NECAB1: variants seen among roughly 807,000 people sequenced by gnomAD.
The protein encoded by NECAB1 is N-terminal EF-hand calcium-binding protein 1.
NECAB1 carries 29 observed loss-of-function variants against 57.5 expected under a neutral mutation model. The ratio of observed to expected loss-of-function variants is 0.50; its 90% CI spans 0.38 to 0.69. The LOEUF is 0.69. NECAB1 is among the 30% of genes least tolerant of loss of function. The probability of loss-of-function intolerance (pLI) is 0.00; values close to 1 mark genes in which losing one functional copy is unlikely to be tolerated. For missense variants in NECAB1, 372 were observed against 413.8 expected, an observed-to-expected ratio of 0.90 and a Z score of 0.88; for synonymous variants, 142 against 147.7, an observed-to-expected ratio of 0.96 and a Z score of 0.28.
At chr8:90,931,953 C>T (rs528184164) in intron 8 of NECAB1, among the ~76,000 whole-genome samples, 1 of 151,248 alleles carries the variant, frequency 6.6e-6, no homozygotes, top group African/African-American at 2.4e-5. Flanking sequence ...CAAAAAAAAA[C>T]CCCACCTTTA....
chr8:90,849,331 C>T (rs754797431), intron 3 of NECAB1, among the ~76,000 whole-genome samples: 4 of 151,834 alleles, frequency 2.6e-5, no homozygotes, highest in Non-Finnish European at 5.9e-5. Flanking sequence ...TAGGTGAGTG[C>T]GGCAATGGGT....
intron 6 of NECAB1, among the ~76,000 whole-genome samples, chr8:90,923,672 G>A (rs1413856477): frequency 1.3e-5 from 2 of 152,180 alleles, no homozygotes; most frequent in Admixed American, 6.5e-5. Flanking sequence ...TCAAAAGAAA[G>A]TTTTCAATAC....
intron 2 of NECAB1, chr8:90,806,386 A>G (rs913999279): frequency 2.0e-5 from 3 of 152,262 alleles, no homozygotes; most frequent in Non-Finnish European, 4.4e-5. Context: ...ATTCATTAAT[A>G]TTTGTGAATT....
At chr8:90,909,911 C>T (rs1378661911) in intron 5 of NECAB1, among the ~76,000 whole-genome samples, 2 of 152,008 alleles carry the variant, frequency 1.3e-5, no homozygotes, top group Non-Finnish European at 2.9e-5. Context: ...TTCTATCCTT[C>T]CTTAGAAATT....
intron 1 of NECAB1, among the ~76,000 whole-genome samples, chr8:90,799,665 A>G (rs1811728292): frequency 6.6e-6 from 1 of 151,982 alleles, no homozygotes; most frequent in African/African-American, 2.4e-5. Context: ...TCATTTTTGT[A>G]TCTGTTTTTT....
intron 5 of NECAB1, among the ~76,000 whole-genome samples, chr8:90,893,983 T>C (rs933710582): frequency 2.0e-5 from 3 of 152,166 alleles, no homozygotes; most frequent in Non-Finnish European, 4.4e-5. Flanking sequence ...CTCTGACATT[T>C]TGAGAGCTGT....
At chr8:90,930,019 C>G (rs1362575547) in intron 8 of NECAB1, among the ~76,000 whole-genome samples, 1 of 152,124 alleles carries the variant, frequency 6.6e-6, no homozygotes, top group Non-Finnish European at 1.5e-5. Flanking sequence ...TTTTTAACAG[C>G]TAAGTGACAA....
intron 3 of NECAB1, among the ~76,000 whole-genome samples, chr8:90,839,535 A>G (rs769638497): frequency 6.6e-6 from 1 of 152,240 alleles, no homozygotes; most frequent in Non-Finnish European, 1.5e-5. Flanking sequence ...TTTGAGAGGA[A>G]CAGGGTGTGC....
At chr8:90,947,307 CA>C (rs1810830402) in intron 10 of NECAB1, among the ~76,000 whole-genome samples, 2 of 116,628 alleles carry the variant, frequency 1.7e-5, no homozygotes, top group Admixed American at 1.7e-4. Flanking sequence ...AACACATACA[CA>C]CACACACACA....
chr8:90,950,723 C>T (rs1427242098), intron 11 of NECAB1, among the ~76,000 whole-genome samples: 3 of 152,090 alleles, frequency 2.0e-5, no homozygotes, highest in Admixed American at 1.3e-4. Flanking sequence ...GTAACTTATT[C>T]GACTCTGCTT....
At chr8:90,837,531 C>G (rs138433860) in intron 3 of NECAB1, among the ~76,000 whole-genome samples, 1 of 152,066 alleles carries the variant, frequency 6.6e-6, no homozygotes, top group African/African-American at 2.4e-5. Flanking sequence ...ATTTTTGGAC[C>G]ACAGTTGACT....
Position 90,865,169 on chromosome 8 carries a change from A to G in NECAB1, c.234-6959A>G, listed in dbSNP as rs543473004. Among the ~76,000 whole-genome samples, 15 of 152,332 alleles carry G rather than the reference A, an allele frequency of 9.8e-5. No individual in the cohort carries two copies. The South Asian group carries it at 2.5e-3, about 25-fold the overall frequency. On this transcript the variant is annotated intron_variant, in intron 3 of 12. Coordinates refer to ENST00000417640, the MANE Select transcript of NECAB1 (RefSeq NM_022351.5). ...AGAAGACATAAGAAAAAATTCAATC[A>G]GGAAAATGAAAAGGGAAGAAGTGCT...
At chr8:90,805,442 G>A (rs531141873) in intron 2 of NECAB1, among the ~76,000 whole-genome samples, 1 of 150,420 alleles carries the variant, frequency 6.6e-6, no homozygotes, top group East Asian at 2.0e-4. Context: ...GATAAATTGG[G>A]TGGGGTGGGA....
chr8:90,957,133 C>G lies in NECAB1; in HGVS notation c.*1621C>G, dbSNP rs1367662837. On this transcript the variant is annotated 3_prime_UTR_variant, in exon 13 of 13. Coordinates refer to ENST00000417640, the MANE Select transcript of NECAB1 (RefSeq NM_022351.5). ...AACAAGCTATATATATGTACAAAGG[C>G]AAACAGACACATAACAGTCTCTGCA... is the stretch of plus-strand genomic sequence containing the variant. The G allele has an allele frequency of 6.6e-6, 1 of 151,846 alleles. No homozygotes were observed. Among genetic ancestry groups the G allele is most frequent in the East Asian group, 1.9e-4 (1 of 5,190 alleles). The allele number at this position is 151,846 out of a possible 1,614,324, so 9.4% of individuals were successfully genotyped here.
At chr8:90,917,178 C>T (rs530977880) in intron 5 of NECAB1, among the ~76,000 whole-genome samples, 5 of 152,210 alleles carry the variant, frequency 3.3e-5, no homozygotes, top group Admixed American at 1.3e-4. Context: ...CCTCCGCCAC[C>T]GGATATTTAT....
chr8:90,802,762 T>C (rs1404181524), intron 2 of NECAB1, among the ~76,000 whole-genome samples: 1 of 152,238 alleles, frequency 6.6e-6, no homozygotes, highest in African/African-American at 2.4e-5. Context: ...TAATATTTAG[T>C]TGTGCTTGGC....
Sources: allele counts gnomAD v4.1 joint callset (sites outside exome capture counted in the v4.1 genomes callset), GRCh38; gene constraint gnomAD v4.1.1; transcripts MANE v1.5; gene names NCBI Gene and HGNC (gene_info 2026-07-23, HGNC 2026-07-21).